The following CCSER1 variants were observed in gnomAD, a reference collection of about 807,000 sequenced individuals.
The protein encoded by CCSER1 is coiled-coil serine rich protein 1.
A neutral mutation model predicts 82.0 loss-of-function variants in CCSER1; 41 were observed. That is an observed-to-expected ratio of 0.50 (90% confidence interval 0.39 to 0.65). CCSER1 has a LOEUF of 0.65. Ranked by LOEUF, CCSER1 falls within the 30% of genes least tolerant of loss-of-function variation. The probability of loss-of-function intolerance (pLI) is 0.00; values close to 1 mark genes in which losing one functional copy is unlikely to be tolerated. For missense variants in CCSER1, 1,119 were observed against 1,064.2 expected (o/e 1.05, Z -0.72); for synonymous variants, 414 against 383.9 (o/e 1.08, Z -0.92).
rs137995351 is a variant in CCSER1, at chr4:91,373,663, C to A, written c.2218-224909C>A. Among the ~76,000 whole-genome samples, 832 of 152,142 alleles carry A rather than the reference C, an allele frequency of 5.5e-3. 6 individuals are homozygous for A. The highest frequency in any genetic ancestry group is 0.019 in the African/African-American group (802 of 41,520). On this transcript the variant is annotated intron_variant, in intron 10 of 10. Transcript: ENST00000509176. ...GTTGACATTATGTCAGTTAATGACC[C>A]TACAATGGCCTCTAAATTTTCTGAC...
chr4:90,266,920 G>GAA (rs1560908890), intron 1 of CCSER1, among the ~76,000 whole-genome samples: 1 of 151,782 alleles, frequency 6.6e-6, no homozygotes, highest in Non-Finnish European at 1.5e-5. Context: ...GGACTTGGGG[G>GAA]CTATAAGGAG....
chr4:90,882,241 G>A (rs1721440209), intron 8 of CCSER1, among the ~76,000 whole-genome samples: 1 of 151,908 alleles, frequency 6.6e-6, no homozygotes, highest in Admixed American at 6.6e-5. Flanking sequence ...ATAATAAGGA[G>A]CTAAAGTCAT....
intron 10 of CCSER1, among the ~76,000 whole-genome samples, chr4:91,453,458 G>A (rs1000401248): frequency 2.0e-5 from 3 of 151,856 alleles, no homozygotes; most frequent in Non-Finnish European, 2.9e-5. Flanking sequence ...TTATTTCTCT[G>A]TTACAAATGT....
intron 4 of CCSER1, among the ~76,000 whole-genome samples, chr4:90,418,219 G>A (rs899562525): frequency 2.0e-5 from 3 of 152,108 alleles, no homozygotes; most frequent in Middle Eastern, 3.4e-3. Context: ...GCAATCTCAT[G>A]TCCAGCATAT....
At chr4:90,354,534 A>G (rs188013479) in intron 3 of CCSER1, among the ~76,000 whole-genome samples, 11 of 152,206 alleles carry the variant, frequency 7.2e-5, no homozygotes, top group Admixed American at 5.2e-4. Flanking sequence ...TGTGTGATCA[A>G]CTTGATTATG....
intron 10 of CCSER1, among the ~76,000 whole-genome samples, chr4:91,154,868 T>C (rs1446619970): frequency 1.3e-5 from 2 of 151,930 alleles, no homozygotes; most frequent in Non-Finnish European, 1.5e-5. Flanking sequence ...ACATGTACTA[T>C]ATTAAGGCAA....
At chr4:91,436,618 G>A (rs958692172) in intron 10 of CCSER1, among the ~76,000 whole-genome samples, 10 of 152,330 alleles carry the variant, frequency 6.6e-5, no homozygotes, top group African/African-American at 2.4e-4. Context: ...TAATAATCGT[G>A]TGGGGAGGTA....
rs192119341 is a variant in CCSER1, at chr4:90,842,565, G to C, written c.2094+26720G>C. The stretch of plus-strand genomic sequence containing the variant: ...ATTTGGGAATGTTCAATAGGGCATG[G>C]GTTTGGATGTGCAGAAAAGAGACTG... On this transcript the variant is annotated intron_variant, in intron 8 of 10. Transcript: ENST00000509176. Among the ~76,000 whole-genome samples, 107 of 152,258 alleles carry C rather than the reference G, an allele frequency of 7.0e-4. 3 individuals carry two copies. The highest frequency in any genetic ancestry group is 3.7e-4 in the Non-Finnish European group (25 of 68,018).
At chr4:90,757,913 A>G in intron 7 of CCSER1, among the ~76,000 whole-genome samples, 1 of 151,854 alleles carries the variant, frequency 6.6e-6, no homozygotes, top group Middle Eastern at 3.2e-3. Flanking sequence ...CCAGCTGTAC[A>G]ATAGTCCTTG....
chr4:90,257,564 C>G (rs200186423), intron 1 of CCSER1, among the ~76,000 whole-genome samples: 1,999 of 139,186 alleles, frequency 0.014, 51 homozygotes, highest in African/African-American at 0.056. Context: ...TAGATAGATA[C>G]ATAGATACAT....
chr4:90,701,399 G>A (rs1054507217), intron 6 of CCSER1, among the ~76,000 whole-genome samples: 3 of 152,170 alleles, frequency 2.0e-5, no homozygotes, highest in African/African-American at 4.8e-5. Flanking sequence ...TTATAGTATA[G>A]TTTGATATCA....
chr4:90,440,065 G>A (rs1450451620), intron 4 of CCSER1, among the ~76,000 whole-genome samples: 4 of 151,812 alleles, frequency 2.6e-5, no homozygotes, highest in East Asian at 1.9e-4. Context: ...GTACAGTGGC[G>A]TGATCATAGC....
chr4:90,500,315 G>A (rs539160169), intron 5 of CCSER1, among the ~76,000 whole-genome samples: 4 of 151,954 alleles, frequency 2.6e-5, no homozygotes, highest in Admixed American at 2.6e-4. Context: ...ATAAGAGTGA[G>A]AAAAGGTCAT....
chr4:91,487,404 T>G (rs1758279246), intron 10 of CCSER1, among the ~76,000 whole-genome samples: 1 of 152,142 alleles, frequency 6.6e-6, no homozygotes, highest in African/African-American at 2.4e-5. Context: ...GAAAGTTTTA[T>G]GTGTGGAAAC....
chr4:90,433,869 G>GTT (rs1553910666), intron 4 of CCSER1, among the ~76,000 whole-genome samples: 1 of 147,758 alleles, frequency 6.8e-6, no homozygotes, highest in Admixed American at 6.8e-5. Context: ...ATTTCCTGGA[G>GTT]ATATATATAT....
At chr4:90,438,196 C>T (rs767777937) in intron 4 of CCSER1, among the ~76,000 whole-genome samples, 3 of 151,954 alleles carry the variant, frequency 2.0e-5, no homozygotes, top group African/African-American at 4.8e-5. Context: ...CTTAAGAAAC[C>T]AGACTTGATC....
intron 4 of CCSER1, among the ~76,000 whole-genome samples, chr4:90,440,973 T>C (rs1253967675): frequency 6.6e-6 from 1 of 151,294 alleles, no homozygotes; most frequent in Non-Finnish European, 1.5e-5. Flanking sequence ...AAAAAAAAGA[T>C]AGTAGGGTTA....
intron 4 of CCSER1, among the ~76,000 whole-genome samples, chr4:90,460,484 G>A (rs928984044): frequency 6.6e-6 from 1 of 151,938 alleles, no homozygotes; most frequent in Non-Finnish European, 1.5e-5. Flanking sequence ...CAGAATTTGG[G>A]TGATATGAGG....
At chr4:90,379,651 T>C (rs10516871) in intron 3 of CCSER1, among the ~76,000 whole-genome samples, 55,488 of 151,974 alleles carry the variant, frequency 0.37, 10,659 homozygotes, top group African/African-American at 0.47. Context: ...GTGTTATGAC[T>C]GAAATCTATA....
Sources: gnomAD v4.1 joint callset for allele counts (sites outside exome capture counted in the v4.1 genomes callset) on GRCh38, gnomAD v4.1.1 for gene constraint, MANE v1.5 for transcripts, NCBI Gene and HGNC (gene_info 2026-07-23, HGNC 2026-07-21) for gene names.